The following CNR2 variants were observed in gnomAD, a reference collection of about 807,000 sequenced individuals.
The protein encoded by CNR2 is cannabinoid receptor 2.
For missense variants in CNR2, 379 were observed against 439.9 expected (o/e 0.86, Z 1.24); for synonymous variants, 172 against 182.2 (o/e 0.94, Z 0.45).
At chr1:23,877,697 C>T (rs1345572522) in intron 1 of CNR2, among the ~76,000 whole-genome samples, 2 of 152,042 alleles carry the variant, frequency 1.3e-5, no homozygotes, top group Non-Finnish European at 2.9e-5. Context: ...CACAGTGGCT[C>T]ACGCCTGTAA....
chr1:23,877,375 C>T (rs969436105), intron 1 of CNR2, among the ~76,000 whole-genome samples: 2 of 152,282 alleles, frequency 1.3e-5, no homozygotes, highest in Middle Eastern at 3.4e-3. Flanking sequence ...GTGGCTCACG[C>T]CTGTAATCCC....
intron 1 of CNR2, among the ~76,000 whole-genome samples, chr1:23,880,394 G>A (rs1639960752): frequency 6.6e-6 from 1 of 151,902 alleles, no homozygotes; most frequent in South Asian, 2.1e-4. Flanking sequence ...AGTCAGGCTG[G>A]TCTTGATCTG....
chr1:23,891,275 T>TTGTGTGTGTGTGTGTG (rs57856234), intron 1 of CNR2, among the ~76,000 whole-genome samples: 36 of 150,434 alleles, frequency 2.4e-4, no homozygotes, highest in African/African-American at 3.2e-4. Context: ...ACCAAATCTT[T>TTGTGTGTGTGTGTGTG]TGTGTGTGTG....
At chr1:23,881,149 A>T (rs1639980188) in intron 1 of CNR2, among the ~76,000 whole-genome samples, 1 of 151,482 alleles carries the variant, frequency 6.6e-6, no homozygotes, top group South Asian at 2.1e-4. Flanking sequence ...GGTGGCAGGC[A>T]CCTGTAATCC....
At chr1:23,901,862 C>T (rs1182757756) in intron 1 of CNR2, 5 of 1,609,306 alleles carry the variant, frequency 3.1e-6, no homozygotes, top group Middle Eastern at 3.3e-4. Flanking sequence ...GCTGTCGCAG[C>T]GCCCGCAGTA....
At chr1:23,880,449 C>T (rs1373316616) in intron 1 of CNR2, among the ~76,000 whole-genome samples, 1 of 152,142 alleles carries the variant, frequency 6.6e-6, no homozygotes, top group Non-Finnish European at 1.5e-5. Context: ...GCTGGGATTA[C>T]AGGCATGAGC....
chr1:23,902,862 T>G, intron 1 of CNR2: 1 of 1,211,392 alleles, frequency 8.3e-7, no homozygotes, highest in South Asian at 3.5e-5. Flanking sequence ...CCGGCGTTGC[T>G]GTGGGCTAGG....
chr1:23,910,654 C>A (rs1482162622), intron 1 of CNR2, among the ~76,000 whole-genome samples: 117 of 32,160 alleles, frequency 3.6e-3, no homozygotes, highest in South Asian at 0.012. Flanking sequence ...AACGCTGTCT[C>A]AAAAAAAAAA....
At chr1:23,885,786 G>C (rs537498599) in intron 1 of CNR2, among the ~76,000 whole-genome samples, 74 of 152,266 alleles carry the variant, frequency 4.9e-4, no homozygotes, top group African/African-American at 1.6e-3. Context: ...GCTGAGGCAG[G>C]AGAATCACTT....
intron 1 of CNR2, chr1:23,907,289 G>T (rs1640510495): frequency 6.6e-6 from 1 of 151,706 alleles, no homozygotes; most frequent in East Asian, 1.9e-4. Flanking sequence ...CCAGCTACAT[G>T]GGAGGCTGAG....
At chr1:23,889,630 G>A (rs1410062692) in intron 1 of CNR2, among the ~76,000 whole-genome samples, 1 of 152,092 alleles carries the variant, frequency 6.6e-6, no homozygotes, top group East Asian at 1.9e-4. Flanking sequence ...GACCATCCGG[G>A]CCTTTCTTTT....
At chr1:23,896,351 C>G (rs1640282622) in intron 1 of CNR2, among the ~76,000 whole-genome samples, 1 of 152,260 alleles carries the variant, frequency 6.6e-6, no homozygotes, top group Admixed American at 6.5e-5. Flanking sequence ...TCATCTCTTT[C>G]ATTCAGTTCC....
At chr1:23,887,412 C>T (rs191846864) in intron 1 of CNR2, among the ~76,000 whole-genome samples, 49 of 152,322 alleles carry the variant, frequency 3.2e-4, no homozygotes, top group Admixed American at 7.8e-4. Flanking sequence ...ATGTAGAATT[C>T]AGCCTAGAAG....
At chr1:23,909,047 G>A (rs1640543505) in intron 1 of CNR2, among the ~76,000 whole-genome samples, 1 of 151,984 alleles carries the variant, frequency 6.6e-6, no homozygotes, top group South Asian at 2.1e-4. Context: ...AAGCCGTGAA[G>A]CTCACCGGAC....
chr1:23,898,239 A>C (rs1478184706), intron 1 of CNR2, among the ~76,000 whole-genome samples: 3 of 150,458 alleles, frequency 2.0e-5, no homozygotes, highest in Non-Finnish European at 4.4e-5. Flanking sequence ...GGGTTTCACC[A>C]TGTTAGCCAG....
intron 1 of CNR2, chr1:23,907,909 A>C (rs1640522367): frequency 6.6e-6 from 1 of 151,968 alleles, no homozygotes; most frequent in African/African-American, 2.4e-5. Context: ...ATATCAGCCA[A>C]AGCTGTAGCT....
Position 23,875,485 on chromosome 1 carries a change from G to A in CNR2, c.133C>T (p.Leu45=), listed in dbSNP as rs201437984. 1.9e-6 allele frequency: 3 copies of A among 1,614,092 alleles called. No homozygotes were observed. Among genetic ancestry groups the A allele is most frequent in the Non-Finnish European group, 2.5e-6 (3 of 1,180,054 alleles). Reference sequence around the variant, plus strand: ...GCCACGTTCTCCAGGGCACTTAGCAGGCCCAGAAGAGTGCACAACACAGCA... The same window carrying A: ...GCCACGTTCTCCAGGGCACTTAGCAAGCCCAGAAGAGTGCACAACACAGCA... ...AVAVLCTLLG[L]LSALENVAVL... The change falls in exon 2 of 2, where the codon CTG becomes TTG. Residue 45 remains leucine (L), a synonymous_variant. Coordinates refer to ENST00000374472, the MANE Select transcript of CNR2 (RefSeq NM_001841.3).
intron 1 of CNR2, among the ~76,000 whole-genome samples, chr1:23,895,972 C>A (rs1351906187): frequency 6.6e-6 from 1 of 152,024 alleles, no homozygotes. Context: ...TTTTTCTGAC[C>A]ATTTTTTCTC....
chr1:23,887,607 T>A (rs1640113046), intron 1 of CNR2, among the ~76,000 whole-genome samples: 1 of 152,302 alleles, frequency 6.6e-6, no homozygotes, highest in South Asian at 2.1e-4. Context: ...CTCACTGTCT[T>A]CCCTTTGGAC....
Sources: allele counts gnomAD v4.1 joint callset (sites outside exome capture counted in the v4.1 genomes callset), GRCh38; gene constraint gnomAD v4.1.1; transcripts MANE v1.5; gene names NCBI Gene and HGNC (gene_info 2026-07-23, HGNC 2026-07-21).